The following DOCK2 variants were observed in gnomAD, a reference collection of about 807,000 sequenced individuals.
The protein encoded by DOCK2 is dedicator of cytokinesis 2, also known as dedicator of cytokinesis protein 2.
Under a neutral mutation model 248.9 loss-of-function variants are expected in DOCK2, and 87 were observed. That is an observed-to-expected ratio of 0.35 (90% CI 0.29 to 0.42). The LOEUF (loss-of-function observed/expected upper bound fraction) is 0.42, where lower values mean the gene tolerates loss of function less well. Ranked by LOEUF, DOCK2 falls within the 10% of genes least tolerant of loss-of-function variation. The pLI is 1.00. For synonymous variants in DOCK2, 805 were observed against 821.6 expected, an observed-to-expected ratio of 0.98 and a Z score of 0.35; for missense variants, 1,747 against 2,300.2, an observed-to-expected ratio of 0.76 and a Z score of 4.92.
intron 27 of DOCK2, among the ~76,000 whole-genome samples, chr5:169,870,629 T>TC (rs1187339956): frequency 2.6e-5 from 4 of 152,084 alleles, no homozygotes; most frequent in African/African-American, 9.7e-5. Flanking sequence ...ATACTTTAAG[T>TC]TTTAGGGTAC....
At chr5:170,017,200 A>G (rs1443619935) in intron 32 of DOCK2, among the ~76,000 whole-genome samples, 1 of 152,102 alleles carries the variant, frequency 6.6e-6, no homozygotes, top group African/African-American at 2.4e-5. Flanking sequence ...CTTTAATCGC[A>G]AGCAGCTGTG....
intron 24 of DOCK2, among the ~76,000 whole-genome samples, chr5:169,760,609 C>T (rs550280211): frequency 1.3e-5 from 2 of 152,324 alleles, no homozygotes; most frequent in Non-Finnish European, 2.9e-5. Context: ...CTTGGAAAAG[C>T]TACTGCTGGA....
intron 25 of DOCK2, among the ~76,000 whole-genome samples, chr5:169,796,427 A>G (rs1173887762): frequency 6.6e-6 from 1 of 152,176 alleles, no homozygotes; most frequent in Non-Finnish European, 1.5e-5. Flanking sequence ...TCAAAAGGCC[A>G]CTGCTGACCT....
At chr5:169,844,065 T>A (rs1770158056) in intron 27 of DOCK2, among the ~76,000 whole-genome samples, 1 of 152,214 alleles carries the variant, frequency 6.6e-6, no homozygotes, top group Admixed American at 6.5e-5. Flanking sequence ...TGGGTAGAAA[T>A]CTAGGAGTGG....
chr5:169,832,446 G>A (rs970778392), intron 26 of DOCK2, among the ~76,000 whole-genome samples: 1 of 152,202 alleles, frequency 6.6e-6, no homozygotes, highest in East Asian at 1.9e-4. Context: ...TGATGGGATA[G>A]AGCAGTGCCA....
At position 169,850,691 on chromosome 5, in the gene DOCK2, G is replaced by C. The variant is rs181180960; in HGVS notation, c.2799+9839G>C. Reference sequence around the variant, plus strand: ...GGAGGCGGAAGCATTGCCTTAATAAGGACTTTGGTGAACACATATCAGGGC... The same window carrying C: ...GGAGGCGGAAGCATTGCCTTAATAACGACTTTGGTGAACACATATCAGGGC... On this transcript the variant is annotated intron_variant, in intron 27 of 51. Coordinates refer to ENST00000520908, the MANE Select transcript of DOCK2 (RefSeq NM_004946.3). Among the ~76,000 whole-genome samples the C allele has an allele frequency of 2.6e-4, 40 of 152,190 alleles. No homozygotes were observed. The East Asian group carries it at 5.6e-3, about 21-fold the overall frequency.
rs780145038 is a variant in DOCK2, at chr5:170,050,413, G to T, written c.4213+16G>T. 8 of 1,612,436 alleles carry T rather than the reference G, an allele frequency of 5.0e-6. No individual in the cohort carries two copies. Among genetic ancestry groups the T allele is most frequent in the Middle Eastern group, 1.7e-4 (1 of 6,018 alleles). ...CCAGGCCAGTGTATCCTTGGAGAAT[G>T]CCCTAGCCAAGGGGCCAGACCTGAG... On this transcript the variant is annotated intron_variant, in intron 41 of 51. Coordinates refer to ENST00000520908, the MANE Select transcript of DOCK2 (RefSeq NM_004946.3).
intron 27 of DOCK2, among the ~76,000 whole-genome samples, chr5:169,943,628 T>C (rs1288713517): frequency 6.6e-6 from 1 of 152,212 alleles, no homozygotes; most frequent in Non-Finnish European, 1.5e-5. Flanking sequence ...TTTATCTGCC[T>C]GGCCTCATCA....
intron 22 of DOCK2, 106 bp downstream of exon 22, chr5:169,718,897 G>GT (rs1237961099): frequency 2.1e-6 from 3 of 1,446,014 alleles, no homozygotes; most frequent in Non-Finnish European, 9.2e-7. Context: ...ATAACCAGCT[G>GT]TCGATCAAAA....
intron 27 of DOCK2, among the ~76,000 whole-genome samples, chr5:169,873,270 G>A (rs1352288562): frequency 1.3e-5 from 2 of 152,194 alleles, no homozygotes; most frequent in African/African-American, 4.8e-5. Flanking sequence ...AAAATGTCTT[G>A]GGAATCTCCT....
At chr5:169,956,304 G>A (rs560887144) in intron 27 of DOCK2, among the ~76,000 whole-genome samples, 18 of 152,310 alleles carry the variant, frequency 1.2e-4, no homozygotes, top group Non-Finnish European at 2.4e-4. Flanking sequence ...CCTGGGAGCG[G>A]CTAGAAAAAA....
chr5:169,706,829 G>A (rs1761293761), intron 14 of DOCK2, among the ~76,000 whole-genome samples: 1 of 152,188 alleles, frequency 6.6e-6, no homozygotes, highest in South Asian at 2.1e-4. Flanking sequence ...CCATACCTCG[G>A]AAGCACAAGG....
At chr5:169,974,109 T>G (rs1270040268) in intron 27 of DOCK2, among the ~76,000 whole-genome samples, 2 of 152,190 alleles carry the variant, frequency 1.3e-5, no homozygotes, top group Non-Finnish European at 2.9e-5. Flanking sequence ...AGCCTCCTTT[T>G]TTTCTAAATT....
At chr5:169,703,656 A>G (rs887316162) in intron 14 of DOCK2, among the ~76,000 whole-genome samples, 1 of 152,222 alleles carries the variant, frequency 6.6e-6, no homozygotes, top group Non-Finnish European at 1.5e-5. Context: ...GTTCATAAAG[A>G]CTGGTCATGT....
At chr5:169,817,828 C>T (rs1238406742) in intron 26 of DOCK2, among the ~76,000 whole-genome samples, 2 of 152,232 alleles carry the variant, frequency 1.3e-5, no homozygotes, top group East Asian at 3.8e-4. Context: ...GTGCCGAACT[C>T]CGAGCAGATA....
chr5:169,840,643 G>T, intron 26 of DOCK2, 114 bp from the exon 27 acceptor site: 1 of 769,284 alleles, frequency 1.3e-6, no homozygotes. Context: ...TGGTGGTGGT[G>T]TTGGTGATGG....
At chr5:170,044,056 A>G (rs1000920422) in intron 38 of DOCK2, among the ~76,000 whole-genome samples, 1 of 152,222 alleles carries the variant, frequency 6.6e-6, no homozygotes, top group Non-Finnish European at 1.5e-5. Flanking sequence ...AGCCACTGCT[A>G]TGGAAGCTCC....
chr5:169,787,030 A>G (rs1766027460), intron 25 of DOCK2, among the ~76,000 whole-genome samples: 1 of 152,182 alleles, frequency 6.6e-6, no homozygotes, highest in Admixed American at 6.5e-5. Flanking sequence ...GCTTTATGTT[A>G]TCTTGTTTCA....
At chr5:169,955,579 G>A (rs145570567) in intron 27 of DOCK2, among the ~76,000 whole-genome samples, 7 of 152,190 alleles carry the variant, frequency 4.6e-5, no homozygotes, top group African/African-American at 1.7e-4. Flanking sequence ...GTATGACCTT[G>A]TTGGTTCTTT....
Sources: gnomAD v4.1 joint callset for allele counts (sites outside exome capture counted in the v4.1 genomes callset) on GRCh38, gnomAD v4.1.1 for gene constraint, MANE v1.5 for transcripts, NCBI Gene and HGNC (gene_info 2026-07-23, HGNC 2026-07-21) for gene names.